AP2B1: variants seen among roughly 807,000 people sequenced by gnomAD.
AP2B1 encodes the protein AP-2 complex subunit beta.
Under a neutral mutation model 102.0 loss-of-function variants are expected in AP2B1, and 23 were observed. That is an observed-to-expected ratio of 0.23 (90% confidence interval 0.16 to 0.32). The LOEUF (loss-of-function observed/expected upper bound fraction) is 0.32. Ranked by LOEUF, AP2B1 falls within the 10% of genes least tolerant of loss-of-function variation. The pLI is 1.00. For synonymous variants in AP2B1, 381 were observed against 421.2 expected, an observed-to-expected ratio of 0.90 and a Z score of 1.17; for missense variants, 541 against 1,157.4, an observed-to-expected ratio of 0.47 and a Z score of 7.73.
At chr17:35,678,564 G>C (rs2075750402) in intron 17 of AP2B1, among the ~76,000 whole-genome samples, 1 of 152,150 alleles carries the variant, frequency 6.6e-6, no homozygotes, top group Non-Finnish European at 1.5e-5. Context: ...GTTTTATTAT[G>C]AATGGGTATT....
intron 18 of AP2B1, among the ~76,000 whole-genome samples, chr17:35,701,295 G>C (rs1249166378): frequency 2.6e-5 from 4 of 151,830 alleles, no homozygotes; most frequent in Non-Finnish European, 4.4e-5. Context: ...TTAATTTTAA[G>C]AACTACCGGT....
At chr17:35,669,925 T>C (rs926368266) in intron 14 of AP2B1, among the ~76,000 whole-genome samples, 6 of 152,210 alleles carry the variant, frequency 3.9e-5, no homozygotes, top group Admixed American at 3.9e-4. Flanking sequence ...AAAGTAGATT[T>C]TGCTTTTTAA....
intron 5 of AP2B1, among the ~76,000 whole-genome samples, chr17:35,611,706 C>G (rs2073871337): frequency 6.6e-6 from 1 of 152,042 alleles, no homozygotes; most frequent in South Asian, 2.1e-4. Context: ...TTCAAACATT[C>G]AAAATTAGGA....
intron 2 of AP2B1, chr17:35,597,124 C>T (rs978621780): frequency 2.0e-6 from 1 of 510,464 alleles, no homozygotes; most frequent in Non-Finnish European, 3.6e-6. Context: ...CCTCCGGAAG[C>T]GGAGACTGTC....
At chr17:35,625,159 C>T (rs1376322674) in intron 6 of AP2B1, among the ~76,000 whole-genome samples, 5 of 152,204 alleles carry the variant, frequency 3.3e-5, no homozygotes, top group Non-Finnish European at 7.3e-5. Context: ...TTCATCTACA[C>T]ATACATACAT....
chr17:35,589,834 C>A (rs540161356), intron 1 of AP2B1, among the ~76,000 whole-genome samples: 25 of 152,186 alleles, frequency 1.6e-4, no homozygotes, highest in Non-Finnish European at 2.5e-4. Flanking sequence ...TTTTCTCCCC[C>A]CATAGGAGCA....
At chr17:35,646,006 GC>G (rs1442732231) in intron 12 of AP2B1, among the ~76,000 whole-genome samples, 1 of 152,172 alleles carries the variant, frequency 6.6e-6, no homozygotes, top group African/African-American at 2.4e-5. Flanking sequence ...TAATTACTAG[GC>G]CCTACTTTTG....
chr17:35,626,269 G>T (rs917585351), intron 6 of AP2B1, among the ~76,000 whole-genome samples: 2 of 152,160 alleles, frequency 1.3e-5, no homozygotes, highest in Admixed American at 6.5e-5. Flanking sequence ...GAAATGGGCT[G>T]AGAGGCAGGG....
At chr17:35,594,850 A>G (rs2073213344) in intron 2 of AP2B1, among the ~76,000 whole-genome samples, 1 of 152,216 alleles carries the variant, frequency 6.6e-6, no homozygotes, top group Non-Finnish European at 1.5e-5. Context: ...GGAAAGTCCA[A>G]CCCTTCATCT....
At chr17:35,680,434 G>A (rs995291540) in intron 17 of AP2B1, among the ~76,000 whole-genome samples, 2 of 151,922 alleles carry the variant, frequency 1.3e-5, no homozygotes, top group Admixed American at 1.3e-4. Context: ...GCTCACTGCA[G>A]CCTCAACCTC....
chr17:35,609,629 G>C (rs1410044544), intron 5 of AP2B1, among the ~76,000 whole-genome samples: 1 of 152,166 alleles, frequency 6.6e-6, no homozygotes, highest in Non-Finnish European at 1.5e-5. Context: ...TTACATGTGT[G>C]AGCCACCGCA....
chr17:35,699,683 T>A (rs765142303), intron 18 of AP2B1, among the ~76,000 whole-genome samples: 2 of 152,218 alleles, frequency 1.3e-5, no homozygotes, highest in Non-Finnish European at 2.9e-5. Context: ...AGATACTGTC[T>A]AATATCATAA....
chr17:35,623,899 A>G (rs1255111279), intron 5 of AP2B1, among the ~76,000 whole-genome samples: 2 of 152,316 alleles, frequency 1.3e-5, no homozygotes, highest in African/African-American at 4.8e-5. Context: ...AGCATTGTAT[A>G]CTAGTGAACT....
chr17:35,719,401 C>G (rs587635919), intron 21 of AP2B1, among the ~76,000 whole-genome samples: 1 of 152,028 alleles, frequency 6.6e-6, no homozygotes, highest in East Asian at 1.9e-4. Flanking sequence ...TATGGTCAGA[C>G]TCTCACCCCA....
chr17:35,671,663 T>C, intron 15 of AP2B1, 91 bp from the exon 16 acceptor site: 1 of 1,284,656 alleles, frequency 7.8e-7, no homozygotes, highest in Non-Finnish European at 1.1e-6. Context: ...CTTATTGATT[T>C]ATCAAAACTA....
At chr17:35,641,368 T>C (rs2074775261) in intron 11 of AP2B1, among the ~76,000 whole-genome samples, 1 of 152,196 alleles carries the variant, frequency 6.6e-6, no homozygotes, top group African/African-American at 2.4e-5. Flanking sequence ...AAGCCAGGGC[T>C]ATGAGACCAG....
chr17:35,672,006 G>T (rs2075599801), intron 16 of AP2B1, 106 bp downstream of exon 16: 1 of 1,342,736 alleles, frequency 7.4e-7, no homozygotes, highest in Admixed American at 2.1e-5. Context: ...AAAGGTTTGG[G>T]CCCTTGTTCT....
In AP2B1 at chr17:35,657,670, C is replaced by T. The variant is rs765514137; in HGVS notation, c.1868C>T (p.Ser623Phe). 6.2e-7 allele frequency: 1 copy of T among 1,614,184 alleles called. No homozygotes were observed. The highest frequency in any genetic ancestry group is 8.5e-7 in the Non-Finnish European group (1 of 1,180,004). The part of the protein sequence containing the change: ...TNLEQPQVIP[S>F]QGDLLGDLLN... ...CTGGAACAGCCTCAGGTTATCCCCT[C>T]TCAAGGTGATCTTCTAGGGGATCTT... The change falls in exon 14 of 22, where the codon TCT becomes TTT. Residue 623 changes from serine (S) to phenylalanine (F), a missense_variant. Ser to Phe is a radical substitution (Grantham distance 155). Around this residue, in one of 10 missense-constraint regions of AP2B1, gnomAD observed 39 missense variants for 42.0 expected, o/e 0.93. Transcript: ENST00000610402.
At chr17:35,721,055 G>C (rs936577714) in intron 21 of AP2B1, among the ~76,000 whole-genome samples, 4 of 152,226 alleles carry the variant, frequency 2.6e-5, no homozygotes, top group Non-Finnish European at 5.9e-5. Flanking sequence ...TATTAAGAAA[G>C]AAATCGGGTT....
Sources: allele counts gnomAD v4.1 joint callset (sites outside exome capture counted in the v4.1 genomes callset), GRCh38; gene constraint gnomAD v4.1.1; regional missense constraint gnomAD v4.1.1; transcripts MANE v1.5; gene names NCBI Gene and HGNC (gene_info 2026-07-23, HGNC 2026-07-21).